ILDR1: variants seen among roughly 807,000 people sequenced by gnomAD.
The protein encoded by ILDR1 is immunoglobulin-like domain-containing receptor 1.
Under a neutral mutation model 62.4 loss-of-function variants are expected in ILDR1, and 56 were observed. The ratio of observed to expected loss-of-function variants is 0.90; its 90% CI spans 0.72 to 1.12. The LOEUF is 1.12. Among genes scored for constraint, ILDR1 ranks in the 50% most tolerant of loss-of-function variants. The probability of loss-of-function intolerance (pLI) is 0.00; values close to 1 mark genes in which losing one functional copy is unlikely to be tolerated. For synonymous variants in ILDR1, 284 were observed against 277.8 expected (o/e 1.02, Z -0.22); for missense variants, 736 against 710.6 (o/e 1.04, Z -0.41).
chr3:121,996,324 C>T (rs955028623), intron 5 of ILDR1, among the ~76,000 whole-genome samples: 1 of 152,200 alleles, frequency 6.6e-6, no homozygotes, highest in Non-Finnish European at 1.5e-5. Context: ...GTGTTTCTGA[C>T]ATTTCCCTGA....
At chr3:122,058,062 T>A in the ILDR1 span, among the ~76,000 whole-genome samples, 3 of 152,190 alleles carry the variant, frequency 2.0e-5, no homozygotes, top group Non-Finnish European at 4.4e-5. Context: ...CGTAAAGTAG[T>A]TGTGAGATTT....
chr3:122,039,323 A>T, the ILDR1 span, among the ~76,000 whole-genome samples: 1 of 152,134 alleles, frequency 6.6e-6, no homozygotes, highest in South Asian at 2.1e-4. Context: ...CGTTAGATTC[A>T]AACCACTAAA....
the ILDR1 span, among the ~76,000 whole-genome samples, chr3:122,027,981 A>G: frequency 2.0e-5 from 3 of 152,130 alleles, no homozygotes; most frequent in African/African-American, 2.4e-5. Context: ...ATCTCCAGGT[A>G]ATTGTATTAG....
At chr3:122,046,606 C>G in the ILDR1 span, among the ~76,000 whole-genome samples, 1 of 151,254 alleles carries the variant, frequency 6.6e-6, no homozygotes, top group East Asian at 1.9e-4. Context: ...TTCTTGGAGG[C>G]TTTGCTCGTT....
At chr3:122,019,307 A>G (rs1365180823) in intron 1 of ILDR1, among the ~76,000 whole-genome samples, 1 of 152,220 alleles carries the variant, frequency 6.6e-6, no homozygotes, top group Non-Finnish European at 1.5e-5. Context: ...GTAAGATAAT[A>G]TGTAATATCC....
chr3:122,017,965 A>G (rs558641465), intron 1 of ILDR1, among the ~76,000 whole-genome samples: 87 of 152,324 alleles, frequency 5.7e-4, no homozygotes, highest in African/African-American at 2.1e-3. Context: ...TAGTTCAACC[A>G]TTGTGGAAGA....
the ILDR1 span, among the ~76,000 whole-genome samples, chr3:122,046,017 T>C: frequency 1.3e-5 from 2 of 148,588 alleles, no homozygotes; most frequent in Non-Finnish European, 3.0e-5. Context: ...CTAGTCTCGA[T>C]GGTCTTTACA....
rs1012181890 is a variant in ILDR1, at chr3:121,992,714, C to G, written c.1599+436G>C. 4.6e-5 allele frequency among the ~76,000 whole-genome samples: 7 copies of G among 152,264 alleles called. No homozygotes were observed. In the East Asian group the frequency reaches 1.4e-3, roughly 29 times the overall value. The stretch of plus-strand genomic sequence containing the variant: ...GACTTAACAAGTGTCTTCTGTCAGG[C>G]CCAGTGTTCTAATTTGGGGTATGGA... On this transcript the variant is annotated intron_variant, in intron 7 of 7. Transcript: ENST00000344209.
At chr3:122,014,312 G>T (rs1347118105) in intron 1 of ILDR1, among the ~76,000 whole-genome samples, 2 of 152,038 alleles carry the variant, frequency 1.3e-5, no homozygotes, top group Admixed American at 6.5e-5. Flanking sequence ...TGACAATTTG[G>T]TCTACATCCC....
Position 121,993,974 on chromosome 3 carries a change from A to G in ILDR1, c.779-4T>C, listed in dbSNP as rs1445093044. On this transcript the variant is annotated splice_polypyrimidine_tract_variant and splice_region_variant and intron_variant, in intron 6 of 7. Coordinates refer to ENST00000344209, the MANE Select transcript of ILDR1 (RefSeq NM_001199799.2). ...AGGCTGGACGGCAGGGACAAATCTG[A>G]ATGGAAACAAGGACAGGACAATAGA... 1 of 1,607,274 alleles carries G rather than the reference A, an allele frequency of 6.2e-7. No homozygotes were observed. Among genetic ancestry groups the G allele is most frequent in the South Asian group, 1.1e-5 (1 of 91,030 alleles).
the ILDR1 span, among the ~76,000 whole-genome samples, chr3:122,036,480 T>G: frequency 6.6e-6 from 1 of 151,610 alleles, no homozygotes; most frequent in South Asian, 2.1e-4. Context: ...TCCCAGCTAC[T>G]CAGGAGGCTG....
chr3:122,041,786 T>C, the ILDR1 span, among the ~76,000 whole-genome samples: 1 of 152,094 alleles, frequency 6.6e-6, no homozygotes, highest in East Asian at 1.9e-4. Context: ...AATTCATTTA[T>C]TAGATTTAAC....
At chr3:122,003,211 T>C (rs1430975134) in intron 3 of ILDR1, among the ~76,000 whole-genome samples, 1 of 152,124 alleles carries the variant, frequency 6.6e-6, no homozygotes. Flanking sequence ...TCCTGCTAGG[T>C]TGGTGGTAAT....
chr3:122,045,540 T>G, the ILDR1 span, among the ~76,000 whole-genome samples: 1 of 150,240 alleles, frequency 6.7e-6, no homozygotes, highest in Middle Eastern at 3.4e-3. Flanking sequence ...CCATTATTAA[T>G]GTGTGGGAGT....
the ILDR1 span, among the ~76,000 whole-genome samples, chr3:122,037,254 C>T: frequency 6.6e-6 from 1 of 152,152 alleles, no homozygotes; most frequent in Non-Finnish European, 1.5e-5. Context: ...ATGGTAGGCC[C>T]ACCAACAGCT....
At chr3:122,014,929 A>T (rs1042871714) in intron 1 of ILDR1, among the ~76,000 whole-genome samples, 1 of 152,194 alleles carries the variant, frequency 6.6e-6, no homozygotes, top group Non-Finnish European at 1.5e-5. Context: ...GTCTCCACAC[A>T]CTAATCTCAG....
chr3:122,047,825 G>A, the ILDR1 span, among the ~76,000 whole-genome samples: 2 of 152,242 alleles, frequency 1.3e-5, no homozygotes, highest in East Asian at 1.9e-4. Flanking sequence ...GCACTCCCTA[G>A]TGAGATAAAC....
At chr3:122,058,007 T>C in the ILDR1 span, among the ~76,000 whole-genome samples, 1 of 152,236 alleles carries the variant, frequency 6.6e-6, no homozygotes, top group Non-Finnish European at 1.5e-5. Context: ...TTAACCATTG[T>C]AATTCCCAGT....
At chr3:122,010,782 G>T (rs79111039) in intron 1 of ILDR1, among the ~76,000 whole-genome samples, 1 of 152,182 alleles carries the variant, frequency 6.6e-6, no homozygotes, top group Non-Finnish European at 1.5e-5. Flanking sequence ...CACACATACC[G>T]ATGAGAAGAG....
Sources: allele counts gnomAD v4.1 joint callset (sites outside exome capture counted in the v4.1 genomes callset), GRCh38; gene constraint gnomAD v4.1.1; transcripts MANE v1.5; gene names NCBI Gene and HGNC (gene_info 2026-07-23, HGNC 2026-07-21).